The following RUFY4 variants were observed in gnomAD, a reference collection of about 807,000 sequenced individuals.
RUFY4 encodes the protein RUN and FYVE domain containing 4.
RUFY4 carries 73 observed loss-of-function variants against 69.0 expected under a neutral mutation model. The ratio of observed to expected loss-of-function variants is 1.06; its 90% confidence interval spans 0.88 to 1.29. The LOEUF is 1.29. Ranked by LOEUF, RUFY4 falls within the 50% of genes most tolerant of loss-of-function variation. RUFY4 has a pLI of 0.00. For missense variants in RUFY4, 770 were observed against 705.6 expected (o/e 1.09, Z -1.03); for synonymous variants, 287 against 271.8 (o/e 1.06, Z -0.55).
chr2:218,047,349 C>A (rs763519630), intron 2 of RUFY4, among the ~76,000 whole-genome samples: 1 of 152,006 alleles, frequency 6.6e-6, no homozygotes, highest in African/African-American at 2.4e-5. Context: ...TGTACTATGA[C>A]CACAAATAAA....
At chr2:218,064,809 C>A (rs1397120197), upstream of RUFY4, among the ~76,000 whole-genome samples, 1 of 152,144 alleles carries the variant, frequency 6.6e-6, no homozygotes, top group Non-Finnish European at 1.5e-5. Flanking sequence ...TCCCATCCCA[C>A]AACCGCCTGC....
chr2:218,088,002 G>C (rs1425638569), intron 9 of RUFY4, among the ~76,000 whole-genome samples: 1 of 151,990 alleles, frequency 6.6e-6, no homozygotes, highest in Non-Finnish European at 1.5e-5. Flanking sequence ...AGGAAATATA[G>C]GAGCATATTA....
upstream of RUFY4, among the ~76,000 whole-genome samples, chr2:218,066,052 G>A (rs1689318072): frequency 6.6e-6 from 1 of 152,126 alleles, no homozygotes; most frequent in Non-Finnish European, 1.5e-5. Context: ...GCCTTGAGAG[G>A]GCCAGGACCC....
chr2:218,066,484 C>T (rs574524086), upstream of RUFY4, among the ~76,000 whole-genome samples: 1 of 152,334 alleles, frequency 6.6e-6, no homozygotes, highest in Non-Finnish European at 1.5e-5. Context: ...CAACTGTCAA[C>T]GTTTCTACAG....
chr2:218,070,494 C>G (rs991499691), upstream of RUFY4: 4 of 929,640 alleles, frequency 4.3e-6, no homozygotes, highest in African/African-American at 6.6e-5. Context: ...CACTTTCCCT[C>G]TGTAGGCTCT....
intron 2 of RUFY4, among the ~76,000 whole-genome samples, chr2:218,054,297 G>C (rs1200927062): frequency 6.6e-6 from 1 of 152,158 alleles, no homozygotes; most frequent in East Asian, 1.9e-4. Flanking sequence ...GCTCATGTCT[G>C]TAGTTCCAAC....
chr2:218,055,972 C>T (rs1689052592), intron 2 of RUFY4, among the ~76,000 whole-genome samples: 1 of 152,234 alleles, frequency 6.6e-6, no homozygotes, highest in Non-Finnish European at 1.5e-5. Flanking sequence ...CTATAGGTAA[C>T]TTGACAGAAT....
chr2:218,054,653 A>G (rs1173236577), intron 2 of RUFY4, among the ~76,000 whole-genome samples: 2 of 152,190 alleles, frequency 1.3e-5, no homozygotes, highest in African/African-American at 2.4e-5. Context: ...AATCAAAATC[A>G]AGCAGAATAA....
intron 8 of RUFY4, 58 bp from the exon 11 acceptor site, chr2:218,083,052 C>G: frequency 6.5e-7 from 1 of 1,545,994 alleles, no homozygotes. Flanking sequence ...CTCAGCCTAG[C>G]TCAGGCACAA....
At chr2:218,049,655 C>T (rs534662604) in intron 2 of RUFY4, among the ~76,000 whole-genome samples, 101 of 152,016 alleles carry the variant, frequency 6.6e-4, no homozygotes, top group African/African-American at 2.1e-3. Flanking sequence ...TACAGGCATG[C>T]GCCACCACAG....
At chr2:218,071,861 C>T (rs1689495759) in intron 2 of RUFY4, among the ~76,000 whole-genome samples, 1 of 152,170 alleles carries the variant, frequency 6.6e-6, no homozygotes, top group Non-Finnish European at 1.5e-5. Flanking sequence ...CTGCTCCCCA[C>T]ACACAGGCAG....
chr2:218,053,455 C>T lies in RUFY4; in HGVS notation c.-1157-5140C>T, dbSNP rs1688989230. 2.0e-5 allele frequency among the ~76,000 whole-genome samples: 3 copies of T among 151,820 alleles called. No individual in the cohort carries two copies. The South Asian group carries it at 6.2e-4, about 32-fold the overall frequency. The stretch of plus-strand genomic sequence containing the variant: ...CAACCTCCCAGGCTAAAGCAATCCT[C>T]CTACCTCAGCTTCCCAGGTAGCTCA... On this transcript the variant is annotated intron_variant and NMD_transcript_variant, in intron 2 of 13. Coordinates refer to the RUFY4 transcript ENST00000457754.
chr2:218,057,012 G>A (rs1006981759), intron 2 of RUFY4, among the ~76,000 whole-genome samples: 10 of 151,738 alleles, frequency 6.6e-5, no homozygotes, highest in African/African-American at 2.2e-4. Flanking sequence ...CCGGGAGGCC[G>A]AGGTTGCAGT....
rs373676741 is a variant in RUFY4, at chr2:218,075,256, G to C, written c.764G>C (p.Ser255Thr). 5 of 1,579,364 alleles carry C rather than the reference G, an allele frequency of 3.2e-6. No homozygotes were observed. In the East Asian group the frequency reaches 1.2e-4, roughly 37 times the overall value. The change falls in exon 7 of 11, where the codon AGT (serine) becomes ACT (threonine). Residue 255 changes from serine to threonine, a missense_variant. Ser to Thr is a moderately conservative substitution (Grantham distance 58). Transcript: ENST00000344321. ...TTCTTTTTGGAAAAGAAGGGGGAAA[G>C]TTCCAGGAAACATAGGTACCCCCAG...
upstream of RUFY4, chr2:218,068,470 GA>G: frequency 6.5e-6 from 1 of 154,060 alleles, no homozygotes; most frequent in Non-Finnish European, 1.4e-5. Flanking sequence ...CTGCATGGGG[GA>G]TATAGGGACG....
chr2:218,084,447 G>T (rs1251164176), intron 9 of RUFY4, among the ~76,000 whole-genome samples: 1 of 152,058 alleles, frequency 6.6e-6, no homozygotes, highest in Non-Finnish European at 1.5e-5. Flanking sequence ...GGTCAGGCTG[G>T]TCTTGAACTC....
intron 2 of RUFY4, among the ~76,000 whole-genome samples, chr2:218,035,679 G>C (rs1428555519): frequency 6.6e-6 from 1 of 152,166 alleles, no homozygotes; most frequent in African/African-American, 2.4e-5. Flanking sequence ...CCTGCTCTCA[G>C]GGCCACAGTG....
chr2:218,075,812 T>A, intron 7 of RUFY4, 72 bp downstream of exon 9: 1 of 1,336,380 alleles, frequency 7.5e-7, no homozygotes, highest in East Asian at 2.7e-5. Flanking sequence ...GGGTCTGCAA[T>A]GGTAGCCTGG....
intron 10 of RUFY4, 185 bp from the exon 13 acceptor site, chr2:218,089,767 G>A (rs1330772434): frequency 4.5e-5 from 32 of 706,888 alleles, no homozygotes; most frequent in South Asian, 4.1e-4. Flanking sequence ...TGGAGGGGTC[G>A]GGCATCAGGA....
Sources: allele counts gnomAD v4.1 joint callset (sites outside exome capture counted in the v4.1 genomes callset), GRCh38; gene constraint gnomAD v4.1.1; transcripts MANE v1.5; gene names NCBI Gene and HGNC (gene_info 2026-07-23, HGNC 2026-07-21).